Variants in SLC2A9 observed in about 807,000 individuals in gnomAD.
SLC2A9 encodes solute carrier family 2 member 9.
Under a neutral mutation model 50.6 loss-of-function variants are expected in SLC2A9, and 39 were observed. That is an observed-to-expected ratio of 0.77 (90% CI 0.60 to 1.01). The LOEUF (loss-of-function observed/expected upper bound fraction) is 1.01. Among genes scored for constraint, SLC2A9 ranks in the 50% least tolerant of loss-of-function variants. The pLI, the probability that SLC2A9 is intolerant of heterozygous loss-of-function variation, is 0.00. For synonymous variants in SLC2A9, 324 were observed against 276.9 expected (o/e 1.17, Z -1.69); for missense variants, 686 against 677.6 (o/e 1.01, Z -0.14).
chr4:9,869,842 G>C (rs1357602535), intron 10 of SLC2A9, among the ~76,000 whole-genome samples: 2 of 152,240 alleles, frequency 1.3e-5, no homozygotes, highest in African/African-American at 4.8e-5. Flanking sequence ...AGTGCAGTGG[G>C]CTGAGTGGTG....
At chr4:9,822,032 C>T (rs147338898), downstream of SLC2A9, among the ~76,000 whole-genome samples, 1,775 of 152,260 alleles carry the variant, frequency 0.012, 10 homozygotes, top group Admixed American at 0.022. Context: ...AACAGCATTT[C>T]CTTATTACCC....
At chr4:9,892,091 G>A (rs1424334390) in intron 8 of SLC2A9, among the ~76,000 whole-genome samples, 1 of 152,262 alleles carries the variant, frequency 6.6e-6, no homozygotes, top group African/African-American at 2.4e-5. Context: ...AGGCAGGTGA[G>A]AAGCCGTCTA....
rs1332570775 is a variant in SLC2A9, at chr4:10,019,025, A to G, written c.199T>C (p.Ser67Pro). Residue 67 changes from serine (S) to proline (P), a missense_variant, in exon 2 of 12, where the codon TCC becomes CCC. By Grantham distance (74) the Ser-to-Pro change is moderately conservative. Transcript: ENST00000264784. ...LVASLAGAFG[S>P]SFLYGYNLSV... ...AGGTTGTAGCCGTAGAGGAAGGAGG[A>G]GCCGAAGGCGCCCGCGAGGGAGGCC... The G allele has an allele frequency of 6.4e-7, 1 of 1,550,814 alleles. No individual in the cohort carries two copies. The highest frequency in any genetic ancestry group is 8.7e-7 in the Non-Finnish European group (1 of 1,146,934).
At chr4:9,812,783 G>GA (rs1041509617) in intron 3 of SLC2A9, among the ~76,000 whole-genome samples, 2 of 151,656 alleles carry the variant, frequency 1.3e-5, no homozygotes, top group African/African-American at 4.8e-5. Flanking sequence ...GATAATCCAA[G>GA]TTTTTTTTTC....
At chr4:9,845,611 T>C (rs1577498352) in intron 10 of SLC2A9, among the ~76,000 whole-genome samples, 1 of 150,444 alleles carries the variant, frequency 6.6e-6, no homozygotes, top group East Asian at 2.0e-4. Flanking sequence ...TTTGTATTTT[T>C]AGTAGAGACG....
chr4:9,880,898 T>C (rs894374524), intron 10 of SLC2A9, among the ~76,000 whole-genome samples: 2 of 152,176 alleles, frequency 1.3e-5, no homozygotes, highest in African/African-American at 2.4e-5. Flanking sequence ...GCCTCCAGTT[T>C]CTTCTCACTG....
At chr4:9,950,217 T>G (rs1440428744) in intron 5 of SLC2A9, among the ~76,000 whole-genome samples, 5 of 152,234 alleles carry the variant, frequency 3.3e-5, no homozygotes, top group Admixed American at 6.5e-5. Context: ...CTGATTCTAT[T>G]TCAACACTAA....
intron 6 of SLC2A9, among the ~76,000 whole-genome samples, chr4:9,922,237 A>G (rs1033031155): frequency 2.0e-5 from 3 of 151,438 alleles, no homozygotes; most frequent in Non-Finnish European, 4.4e-5. Flanking sequence ...CGAACACCAC[A>G]TGTTCTCACT....
At chr4:9,979,105 A>G (rs551786028) in intron 5 of SLC2A9, among the ~76,000 whole-genome samples, 18 of 152,264 alleles carry the variant, frequency 1.2e-4, no homozygotes, top group Admixed American at 7.2e-4. Flanking sequence ...AGTGTGATCC[A>G]TCCTTGGATG....
At chr4:10,027,478 A>G (rs1453021206) in intron 1 of SLC2A9, among the ~76,000 whole-genome samples, 1 of 152,070 alleles carries the variant, frequency 6.6e-6, no homozygotes, top group Non-Finnish European at 1.5e-5. Context: ...GCACCGCACC[A>G]TTAAAATTGA....
At chr4:9,962,028 T>G (rs891026401) in intron 5 of SLC2A9, among the ~76,000 whole-genome samples, 2 of 152,182 alleles carry the variant, frequency 1.3e-5, no homozygotes, top group African/African-American at 4.8e-5. Flanking sequence ...ACCAATCTCA[T>G]GCCAGTCAGA....
intron 1 of SLC2A9, among the ~76,000 whole-genome samples, chr4:9,772,713 TA>T (rs201617971): frequency 1.3e-5 from 2 of 152,088 alleles, no homozygotes; most frequent in Admixed American, 6.5e-5. Context: ...AGCATTGCTG[TA>T]AAAAAAACTT....
intron 8 of SLC2A9, among the ~76,000 whole-genome samples, chr4:9,906,745 TC>T (rs550635800): frequency 5.3e-5 from 8 of 152,170 alleles, no homozygotes; most frequent in Non-Finnish European, 1.0e-4. Context: ...CTCCCGTACT[TC>T]CCCCATAAGT....
At chr4:9,885,545 CGT>C (rs761975326) in intron 10 of SLC2A9, among the ~76,000 whole-genome samples, 1 of 152,212 alleles carries the variant, frequency 6.6e-6, no homozygotes, top group Non-Finnish European at 1.5e-5. Flanking sequence ...GGCAGGCTCC[CGT>C]GTTACGCTGC....
At chr4:9,880,209 G>A in intron 10 of SLC2A9, 2 of 985,440 alleles carry the variant, frequency 2.0e-6, no homozygotes, top group Non-Finnish European at 2.4e-6. Flanking sequence ...AGTTCCCTGA[G>A]GCTTTAAACT....
intron 5 of SLC2A9, among the ~76,000 whole-genome samples, chr4:9,965,014 A>G (rs1752843631): frequency 6.6e-6 from 1 of 152,230 alleles, no homozygotes; most frequent in Non-Finnish European, 1.5e-5. Flanking sequence ...GTACTGCCAC[A>G]TGACATAAAT....
intron 5 of SLC2A9, among the ~76,000 whole-genome samples, chr4:9,958,900 G>C (rs1011334059): frequency 6.6e-6 from 1 of 152,038 alleles, no homozygotes; most frequent in African/African-American, 2.4e-5. Flanking sequence ...AAAATTAATT[G>C]TAGGTAGTTA....
At chr4:9,825,898 G>C (rs1039363585), downstream of SLC2A9, among the ~76,000 whole-genome samples, 1 of 152,184 alleles carries the variant, frequency 6.6e-6, no homozygotes, top group African/African-American at 2.4e-5. Flanking sequence ...GCCTATATCA[G>C]GGATGGAAGC....
At chr4:9,935,169 G>T (rs1746841332) in intron 6 of SLC2A9, among the ~76,000 whole-genome samples, 1 of 152,168 alleles carries the variant, frequency 6.6e-6, no homozygotes, top group Non-Finnish European at 1.5e-5. Flanking sequence ...TTGGGTATAT[G>T]CCCAGTAATG....
Sources: allele counts gnomAD v4.1 joint callset (sites outside exome capture counted in the v4.1 genomes callset), GRCh38; gene constraint gnomAD v4.1.1; transcripts MANE v1.5; gene names NCBI Gene and HGNC (gene_info 2026-07-23, HGNC 2026-07-21).